The following ANKRD30BL variants were observed in gnomAD, a reference collection of about 807,000 sequenced individuals.
ANKRD30BL encodes the protein ankyrin repeat domain 30B like.
In ANKRD30BL, 20 loss-of-function variants were observed where a neutral mutation model predicts 18.4. The ratio of observed to expected loss-of-function variants is 1.09; its 90% confidence interval spans 0.77 to 1.58. ANKRD30BL has a LOEUF of 1.58. Ranked by LOEUF, ANKRD30BL falls within the 40% of genes most tolerant of loss-of-function variation. The pLI is 0.00. For missense variants in ANKRD30BL, 224 were observed against 268.6 expected, an observed-to-expected ratio of 0.83 and a Z score of 1.16; for synonymous variants, 72 against 100.9, an observed-to-expected ratio of 0.71 and a Z score of 1.72.
chr2:132,201,194 A>T (rs553794812), intron 1 of ANKRD30BL, among the ~76,000 whole-genome samples: 3 of 152,296 alleles, frequency 2.0e-5, no homozygotes, highest in Non-Finnish European at 4.4e-5. Flanking sequence ...TAAAAACCCT[A>T]GAAGAAAACC....
At chr2:132,196,674 C>G (rs1392656890) in intron 1 of ANKRD30BL, among the ~76,000 whole-genome samples, 1 of 151,550 alleles carries the variant, frequency 6.6e-6, no homozygotes, top group African/African-American at 2.4e-5. Context: ...TAATTCCAGC[C>G]ACTCAGGAGG....
At chr2:132,224,478 A>G (rs1010324245) in intron 1 of ANKRD30BL, among the ~76,000 whole-genome samples, 1 of 151,906 alleles carries the variant, frequency 6.6e-6, no homozygotes. Flanking sequence ...ATATCTTCAC[A>G]TAAGTACTGG....
intron 1 of ANKRD30BL, among the ~76,000 whole-genome samples, chr2:132,186,123 T>A (rs189247173): frequency 1.3e-5 from 2 of 148,512 alleles, no homozygotes; most frequent in Admixed American, 6.7e-5. Flanking sequence ...GAGCAAGATG[T>A]CTCAAAAAAA....
intron 1 of ANKRD30BL, among the ~76,000 whole-genome samples, chr2:132,222,505 G>A (rs1679719219): frequency 6.6e-6 from 1 of 152,140 alleles, no homozygotes; most frequent in African/African-American, 2.4e-5. Context: ...AAATTCTTCT[G>A]CCTTGGGATC....
chr2:132,190,188 A>G (rs1375603515), intron 1 of ANKRD30BL, among the ~76,000 whole-genome samples: 1 of 152,164 alleles, frequency 6.6e-6, no homozygotes, highest in African/African-American at 2.4e-5. Context: ...TTTGATTTGA[A>G]TGATACCAAC....
chr2:132,163,969 T>C (rs1040880636), upstream of ANKRD30BL, among the ~76,000 whole-genome samples: 1 of 152,244 alleles, frequency 6.6e-6, no homozygotes, highest in Non-Finnish European at 1.5e-5. Flanking sequence ...CTAAATGTAA[T>C]GTGTGTAAGT....
chr2:132,222,924 G>A lies in ANKRD30BL; in HGVS notation n.441+34605C>T, dbSNP rs540669189. Among the ~76,000 whole-genome samples, 306 of 150,328 alleles carry A rather than the reference G, an allele frequency of 2.0e-3. 1 individual carries two copies. The highest frequency in any genetic ancestry group is 5.1e-3 in the Admixed American group (77 of 15,048). The stretch of plus-strand genomic sequence containing the variant: ...TTTGGAGCACTTTGAGGCCTATGGT[G>A]GAAAAGGAAATATGTTCACATAAAA... On this transcript the variant is annotated intron_variant and non_coding_transcript_variant, in intron 1 of 4. Transcript: ENST00000470729.
At chr2:132,153,576 CA>C in intron 4 of ANKRD30BL, 1 of 607,748 alleles carries the variant, frequency 1.6e-6, no homozygotes, top group Non-Finnish European at 3.1e-6. Flanking sequence ...CCACAAGCAA[CA>C]GCATAACGTT....
intron 1 of ANKRD30BL, among the ~76,000 whole-genome samples, chr2:132,191,143 A>C (rs181400596): frequency 0.017 from 2,658 of 152,330 alleles, 65 homozygotes; most frequent in African/African-American, 0.059. Context: ...GCAACCTACC[A>C]CTATAAATTC....
chr2:132,232,897 G>A (rs1464212070), intron 1 of ANKRD30BL, among the ~76,000 whole-genome samples: 1 of 151,998 alleles, frequency 6.6e-6, no homozygotes, highest in East Asian at 1.9e-4. Context: ...ATTCATCAAA[G>A]TTGAAATGAA....
chr2:132,212,951 T>C (rs565229314), intron 1 of ANKRD30BL, among the ~76,000 whole-genome samples: 1 of 152,130 alleles, frequency 6.6e-6, no homozygotes, highest in South Asian at 2.1e-4. Context: ...TGGAGCGATT[T>C]GCAGCCTGTG....
chr2:132,256,446 C>T (rs1254270783), intron 1 of ANKRD30BL, among the ~76,000 whole-genome samples: 2 of 152,226 alleles, frequency 1.3e-5, no homozygotes, highest in Non-Finnish European at 2.9e-5. Context: ...GTGCGGCAGC[C>T]GCGAGGGACC....
chr2:132,210,404 A>C (rs1573844770), intron 1 of ANKRD30BL, among the ~76,000 whole-genome samples: 2 of 151,822 alleles, frequency 1.3e-5, no homozygotes, highest in African/African-American at 4.8e-5. Context: ...ATTCTGAGAA[A>C]CTTCTTTGTG....
At chr2:132,254,319 G>A (rs79965535) in intron 1 of ANKRD30BL, among the ~76,000 whole-genome samples, 5 of 130,368 alleles carry the variant, frequency 3.8e-5, no homozygotes, top group African/African-American at 1.4e-4. Flanking sequence ...GGACATGGCG[G>A]CGTCTCCGTG....
intron 1 of ANKRD30BL, among the ~76,000 whole-genome samples, chr2:132,231,842 T>C (rs1461559376): frequency 1.3e-5 from 2 of 152,114 alleles, no homozygotes; most frequent in Non-Finnish European, 2.9e-5. Context: ...CCACCACAGC[T>C]CAAGGAGGCC....
chr2:132,163,761 G>C (rs6715922), upstream of ANKRD30BL, among the ~76,000 whole-genome samples: 1 of 152,014 alleles, frequency 6.6e-6, no homozygotes, highest in African/African-American at 2.4e-5. Flanking sequence ...GCACCACCCC[G>C]GAGGCTACAC....
chr2:132,241,339 T>C (rs150540042), intron 1 of ANKRD30BL, among the ~76,000 whole-genome samples: 1 of 148,226 alleles, frequency 6.7e-6, no homozygotes, highest in South Asian at 2.1e-4. Flanking sequence ...TGGAAACGGG[T>C]ATATCTTCAC....
At chr2:132,251,711 T>C (rs1649101823) in intron 1 of ANKRD30BL, among the ~76,000 whole-genome samples, 1 of 152,236 alleles carries the variant, frequency 6.6e-6, no homozygotes, top group African/African-American at 2.4e-5. Context: ...AGGAAATCAA[T>C]ACCAAACAAA....
chr2:132,204,462 TG>T (rs1679171215), intron 1 of ANKRD30BL, among the ~76,000 whole-genome samples: 1 of 94,048 alleles, frequency 1.1e-5, no homozygotes, highest in African/African-American at 4.8e-5. Flanking sequence ...ATAGTGTGTA[TG>T]TATGTATGTA....
Sources: allele counts gnomAD v4.1 joint callset (sites outside exome capture counted in the v4.1 genomes callset), GRCh38; gene constraint gnomAD v4.1.1; transcripts MANE v1.5; gene names NCBI Gene and HGNC (gene_info 2026-07-23, HGNC 2026-07-21).